Variants in HDAC9 observed in about 807,000 individuals in gnomAD.
HDAC9 encodes histone deacetylase 9, also known as MEF-2 interacting transcription repressor (MITR) protein.
Under a neutral mutation model 139.4 loss-of-function variants are expected in HDAC9, and 41 were observed. The ratio of observed to expected loss-of-function variants is 0.29; its 90% CI spans 0.23 to 0.38. The LOEUF (loss-of-function observed/expected upper bound fraction) is 0.38, where lower values mean the gene tolerates loss of function less well. HDAC9 is among the 10% of genes least tolerant of loss of function. The pLI, the probability that HDAC9 is intolerant of heterozygous loss-of-function variation, is 1.00. For synonymous variants in HDAC9, 517 were observed against 476.2 expected, an observed-to-expected ratio of 1.09 and a Z score of -1.12; for missense variants, 1,147 against 1,297.0, an observed-to-expected ratio of 0.88 and a Z score of 1.78.
At chr7:18,862,375 A>T (rs1798175818) in intron 21 of HDAC9, among the ~76,000 whole-genome samples, 1 of 152,208 alleles carries the variant, frequency 6.6e-6, no homozygotes, top group Admixed American at 6.5e-5. Context: ...AATCTAAATG[A>T]ATCCCCCCAG....
At chr7:18,306,483 G>A (rs1345666356) in intron 1 of HDAC9, among the ~76,000 whole-genome samples, 2 of 152,158 alleles carry the variant, frequency 1.3e-5, no homozygotes, top group African/African-American at 4.8e-5. Flanking sequence ...TGAAGTAGCA[G>A]CCTTTGTAGG....
At chr7:18,206,515 T>C (rs1448888054) in intron 2 of HDAC9, among the ~76,000 whole-genome samples, 2 of 152,176 alleles carry the variant, frequency 1.3e-5, no homozygotes, top group Non-Finnish European at 2.9e-5. Context: ...TCTTTGTATA[T>C]ACAAGATCCT....
chr7:18,956,709 AGGG>A (rs538420435), intron 24 of HDAC9, among the ~76,000 whole-genome samples: 9 of 152,256 alleles, frequency 5.9e-5, no homozygotes, highest in Non-Finnish European at 1.2e-4. Context: ...CGTGCAACTC[AGGG>A]GGAAGTTCAA....
At chr7:18,591,375 TTA>T in intron 4 of HDAC9, 139 bp from the exon 5 acceptor site, 1 of 1,207,420 alleles carries the variant, frequency 8.3e-7, no homozygotes. Flanking sequence ...TAGGAAAACT[TTA>T]TGTGCTGTGA....
At chr7:18,458,312 T>G (rs1168248382) in intron 1 of HDAC9, among the ~76,000 whole-genome samples, 1 of 152,176 alleles carries the variant, frequency 6.6e-6, no homozygotes, top group Non-Finnish European at 1.5e-5. Flanking sequence ...CTTTTAGGCT[T>G]GGTAACTTAG....
At chr7:18,870,155 G>C (rs575926061) in intron 21 of HDAC9, among the ~76,000 whole-genome samples, 2 of 152,208 alleles carry the variant, frequency 1.3e-5, no homozygotes, top group Admixed American at 1.3e-4. Context: ...AATTAACAAA[G>C]TAATATGTGT....
intron 23 of HDAC9, among the ~76,000 whole-genome samples, chr7:18,948,195 T>C (rs1183440298): frequency 1.3e-5 from 2 of 151,988 alleles, no homozygotes; most frequent in Non-Finnish European, 2.9e-5. Flanking sequence ...CATTTCAGCA[T>C]TGTTCAGGGA....
At chr7:18,428,303 A>C (rs910072485) in intron 1 of HDAC9, among the ~76,000 whole-genome samples, 1 of 152,200 alleles carries the variant, frequency 6.6e-6, no homozygotes, top group South Asian at 2.1e-4. Context: ...AAGCTTCTAC[A>C]CAGCAAAGGA....
chr7:18,382,849 G>A (rs530594222), intron 1 of HDAC9, among the ~76,000 whole-genome samples: 1 of 152,260 alleles, frequency 6.6e-6, no homozygotes, highest in Admixed American at 6.5e-5. Context: ...ACTTAAGGAA[G>A]TATAGAACAT....
At chr7:18,379,208 G>C (rs555836370) in intron 1 of HDAC9, among the ~76,000 whole-genome samples, 3 of 152,160 alleles carry the variant, frequency 2.0e-5, no homozygotes. Context: ...ATTATTTTTA[G>C]TATGTCATCA....
intron 12 of HDAC9, among the ~76,000 whole-genome samples, chr7:18,680,573 G>A (rs915995915): frequency 1.3e-5 from 2 of 151,952 alleles, no homozygotes; most frequent in South Asian, 2.1e-4. Context: ...GCCCAGGGAG[G>A]TTATGTGGAT....
chr7:18,341,185 A>ATG (rs1298069947), intron 1 of HDAC9, among the ~76,000 whole-genome samples: 3 of 150,814 alleles, frequency 2.0e-5, no homozygotes, highest in Non-Finnish European at 4.4e-5. Flanking sequence ...TTTGATGATA[A>ATG]TGTGCCTTGG....
At chr7:18,341,126 C>T (rs945506907) in intron 1 of HDAC9, among the ~76,000 whole-genome samples, 1 of 151,500 alleles carries the variant, frequency 6.6e-6, no homozygotes, top group Non-Finnish European at 1.5e-5. Flanking sequence ...GTTTTCCCCC[C>T]TGACTACTTT....
chr7:18,683,148 A>G (rs551093529), intron 12 of HDAC9, among the ~76,000 whole-genome samples: 1 of 152,178 alleles, frequency 6.6e-6, no homozygotes, highest in South Asian at 2.1e-4. Context: ...AGTGAAAGTA[A>G]TTGTGCAATT....
intron 1 of HDAC9, among the ~76,000 whole-genome samples, chr7:18,445,590 C>T (rs932335437): frequency 6.6e-6 from 1 of 152,132 alleles, no homozygotes; most frequent in Non-Finnish European, 1.5e-5. Flanking sequence ...ATTTTCGGAG[C>T]CAATTTTAAT....
chr7:18,484,311 G>A (rs2128130108), intron 1 of HDAC9, among the ~76,000 whole-genome samples: 2 of 151,784 alleles, frequency 1.3e-5, no homozygotes, highest in African/African-American at 4.8e-5. Flanking sequence ...ACTACACCTG[G>A]GTGACAGAGC....
intron 2 of HDAC9, among the ~76,000 whole-genome samples, chr7:18,189,919 TG>T (rs34669390): frequency 2.2e-5 from 3 of 135,562 alleles, no homozygotes; most frequent in East Asian, 2.3e-4. Flanking sequence ...AACTTGTGTG[TG>T]GTGTGTGTGT....
upstream of HDAC9, among the ~76,000 whole-genome samples, chr7:18,492,313 A>G (rs1796431827): frequency 6.6e-6 from 1 of 151,972 alleles, no homozygotes; most frequent in Admixed American, 6.6e-5. Flanking sequence ...CCATTTTAGA[A>G]AAGGTCATTG....
intron 1 of HDAC9, among the ~76,000 whole-genome samples, chr7:18,132,990 C>T (rs1785122970): frequency 6.6e-6 from 1 of 152,054 alleles, no homozygotes; most frequent in Non-Finnish European, 1.5e-5. Flanking sequence ...AACTTTGGGC[C>T]CTGTCCTAAC....
Sources: gnomAD v4.1 joint callset for allele counts (sites outside exome capture counted in the v4.1 genomes callset) on GRCh38, gnomAD v4.1.1 for gene constraint, MANE v1.5 for transcripts, NCBI Gene and HGNC (gene_info 2026-07-23, HGNC 2026-07-21) for gene names.